The following ZNF208 variants were observed in gnomAD, a reference collection of about 807,000 sequenced individuals.
ZNF208 encodes zinc finger protein 95.
Under a neutral mutation model 12.1 loss-of-function variants are expected in ZNF208, and 10 were observed. That is an observed-to-expected ratio of 0.83 (90% CI 0.51 to 1.40). The LOEUF is 1.40. Among genes scored for constraint, ZNF208 ranks in the 40% most tolerant of loss-of-function variants. The probability of loss-of-function intolerance (pLI) is 0.00; values close to 1 mark genes in which losing one functional copy is unlikely to be tolerated. For synonymous variants in ZNF208, 497 were observed against 488.4 expected, an observed-to-expected ratio of 1.02 and a Z score of -0.23; for missense variants, 1,652 against 1,485.0, an observed-to-expected ratio of 1.11 and a Z score of -1.85.
intron 4 of ZNF208, among the ~76,000 whole-genome samples, chr19:21,943,763 C>T (rs559285939): frequency 1.3e-5 from 2 of 152,134 alleles, no homozygotes; most frequent in African/African-American, 4.8e-5. Flanking sequence ...ATGAGTCTTA[C>T]TGGGTAAAAA....
chr19:21,971,532 G>A lies in ZNF208; in HGVS notation c.3502C>T (p.Pro1168Ser), dbSNP rs749724720. The stretch of plus-strand genomic sequence containing the variant: ...TTGCCACATTCTTCACATTTGTAGG[G>A]TTTCTCTACAGTATGAATTTTCTTA... ...YHKKIHTVEK[P>S]YKCEECGKGF... The change falls in exon 4 of 4, where the codon CCC becomes TCC. Residue 1168 changes from proline to serine, a missense_variant. Pro to Ser is a moderately conservative substitution (Grantham distance 74). Coordinates refer to ENST00000397126, the MANE Select transcript of ZNF208 (RefSeq NM_007153.3). The A allele has an allele frequency of 1.9e-5, 30 of 1,610,708 alleles. No individual in the cohort carries two copies. Among genetic ancestry groups the A allele is most frequent in the South Asian group, 1.6e-4 (15 of 91,038 alleles).
At chr19:22,008,594 T>A (rs963356989) in intron 1 of ZNF208, among the ~76,000 whole-genome samples, 6 of 151,690 alleles carry the variant, frequency 4.0e-5, no homozygotes, top group Non-Finnish European at 7.4e-5. Flanking sequence ...TTTCACAAAC[T>A]TTTTACCATT....
chr19:21,958,354 A>G (rs1970011194), intron 4 of ZNF208, among the ~76,000 whole-genome samples: 1 of 152,168 alleles, frequency 6.6e-6, no homozygotes, highest in African/African-American at 2.4e-5. Flanking sequence ...AGGGATGGGT[A>G]ATGTAAAAAT....
At chr19:21,955,976 C>T (rs1014367167) in intron 4 of ZNF208, among the ~76,000 whole-genome samples, 1 of 152,074 alleles carries the variant, frequency 6.6e-6, no homozygotes, top group East Asian at 1.9e-4. Flanking sequence ...TTTTATCTAC[C>T]TTTGGTCTTT....
At chr19:21,960,571 C>A (rs901570958) in intron 4 of ZNF208, among the ~76,000 whole-genome samples, 1 of 151,624 alleles carries the variant, frequency 6.6e-6, no homozygotes, top group South Asian at 2.1e-4. Flanking sequence ...TCTTAGCAAG[C>A]CTTGCAGGGA....
In ZNF208 at chr19:21,971,174, C is replaced by T. The variant is rs377708046; in HGVS notation, c.*17G>A. ...GGTTGAGGGCCACTTATAGGCTTTG[C>T]CACATTCTTCACATTTCTAGAGTTT... On this transcript the variant is annotated 3_prime_UTR_variant, in exon 4 of 4. Transcript: ENST00000397126. The T allele has an allele frequency of 6.2e-7, 1 of 1,612,152 alleles. No individual in the cohort carries two copies. The highest frequency in any genetic ancestry group is 1.7e-5 in the Admixed American group (1 of 59,732).
intron 1 of ZNF208, among the ~76,000 whole-genome samples, chr19:22,002,349 A>C (rs1314340014): frequency 3.3e-5 from 5 of 152,190 alleles, no homozygotes; most frequent in Admixed American, 2.0e-4. Context: ...TAGCCAGAGC[A>C]ATCAGGCAAA....
At chr19:21,941,669 AAAGT>A (rs1168774970) in intron 4 of ZNF208, 2 of 342,034 alleles carry the variant, frequency 5.8e-6, no homozygotes, top group East Asian at 4.4e-5. Flanking sequence ...TGAATTGTTC[AAAGT>A]AAGTATATTT....
intron 1 of ZNF208, among the ~76,000 whole-genome samples, chr19:22,004,951 G>C (rs150812540): frequency 0.018 from 2,756 of 152,264 alleles, 70 homozygotes; most frequent in African/African-American, 0.062. Context: ...CTGGGTTGGA[G>C]AGAGTGCAAT....
intron 4 of ZNF208, among the ~76,000 whole-genome samples, chr19:21,942,857 G>A (rs1969763219): frequency 6.6e-6 from 1 of 152,060 alleles, no homozygotes; most frequent in African/African-American, 2.4e-5. Flanking sequence ...CACTATGTTG[G>A]CCAGACTGGT....
intron 4 of ZNF208, among the ~76,000 whole-genome samples, chr19:21,956,527 C>G (rs1969980735): frequency 6.6e-6 from 1 of 152,228 alleles, no homozygotes; most frequent in Non-Finnish European, 1.5e-5. Context: ...CTACTGAAGC[C>G]TCAGCAATGG....
At chr19:21,943,024 C>T (rs556148915) in intron 4 of ZNF208, among the ~76,000 whole-genome samples, 2 of 152,176 alleles carry the variant, frequency 1.3e-5, no homozygotes, top group South Asian at 2.1e-4. Flanking sequence ...TGTAGTAACT[C>T]GAAACGTAAT....
intron 4 of ZNF208, among the ~76,000 whole-genome samples, chr19:21,956,619 G>T (rs1441510292): frequency 6.6e-6 from 1 of 152,204 alleles, no homozygotes; most frequent in Non-Finnish European, 1.5e-5. Context: ...GGCTCCTTGG[G>T]CATGGGACCC....
chr19:21,947,152 T>C (rs1969827059), intron 4 of ZNF208, among the ~76,000 whole-genome samples: 1 of 152,180 alleles, frequency 6.6e-6, no homozygotes, highest in African/African-American at 2.4e-5. Context: ...GAATTCAAAA[T>C]ATCTCTAAAT....
chr19:22,005,973 G>A (rs976687406), intron 1 of ZNF208, among the ~76,000 whole-genome samples: 1 of 152,030 alleles, frequency 6.6e-6, no homozygotes, highest in African/African-American at 2.4e-5. Flanking sequence ...AAAACACTCT[G>A]CATATTTTCT....
intron 4 of ZNF208, among the ~76,000 whole-genome samples, chr19:21,954,163 C>T (rs1364289964): frequency 2.6e-5 from 4 of 152,176 alleles, no homozygotes; most frequent in African/African-American, 9.7e-5. Flanking sequence ...TTTCTTAATC[C>T]TGAGTTCTAA....
chr19:21,975,592 C>T (rs1037426318), intron 3 of ZNF208, among the ~76,000 whole-genome samples: 3 of 151,822 alleles, frequency 2.0e-5, no homozygotes, highest in Non-Finnish European at 4.4e-5. Flanking sequence ...AGATTAAAAT[C>T]TATACAATAT....
intron 1 of ZNF208, among the ~76,000 whole-genome samples, chr19:21,991,275 A>ATG (rs1290512010): frequency 1.3e-5 from 2 of 152,146 alleles, no homozygotes. Flanking sequence ...TTTGAGATGC[A>ATG]TCCCATCAAT....
At chr19:21,953,169 A>C (rs191614020) in intron 4 of ZNF208, among the ~76,000 whole-genome samples, 12 of 152,214 alleles carry the variant, frequency 7.9e-5, no homozygotes, top group African/African-American at 2.9e-4. Flanking sequence ...ACTATGTGAA[A>C]AGACCAAATC....
Sources: gnomAD v4.1 joint callset for allele counts (sites outside exome capture counted in the v4.1 genomes callset) on GRCh38, gnomAD v4.1.1 for gene constraint, MANE v1.5 for transcripts, NCBI Gene and HGNC (gene_info 2026-07-23, HGNC 2026-07-21) for gene names.